The following HYCC2 variants were observed in gnomAD, a reference collection of about 807,000 sequenced individuals.
The protein encoded by HYCC2 is hyccin 2.
the HYCC2 span, among the ~76,000 whole-genome samples, chr2:201,049,740 G>C: frequency 2.0e-5 from 3 of 152,048 alleles, no homozygotes; most frequent in Non-Finnish European, 2.9e-5. Context: ...GGCATGCAAA[G>C]TATGGTTTCT....
At chr2:201,007,449 T>G in the HYCC2 span, among the ~76,000 whole-genome samples, 3 of 152,130 alleles carry the variant, frequency 2.0e-5, no homozygotes, top group African/African-American at 7.2e-5. Flanking sequence ...AAAGTAAAAA[T>G]GAGAAGGTTT....
At chr2:201,017,236 T>C in the HYCC2 span, 10 of 1,256,444 alleles carry the variant, frequency 8.0e-6, no homozygotes, top group Non-Finnish European at 1.1e-5. Context: ...TTTTTTTTTT[T>C]TTAAGGCACC....
At chr2:200,988,443 A>G in the HYCC2 span, 2 of 1,577,582 alleles carry the variant, frequency 1.3e-6, no homozygotes, top group Non-Finnish European at 1.7e-6. Flanking sequence ...ATATAAGTCT[A>G]TACAAGTTTA....
the HYCC2 span, among the ~76,000 whole-genome samples, chr2:201,033,243 C>T: frequency 9.7e-4 from 146 of 150,050 alleles, no homozygotes; most frequent in African/African-American, 3.3e-3. Context: ...GTTTCCCAGG[C>T]TGGAATGCAG....
At chr2:200,985,072 C>G in the HYCC2 span, among the ~76,000 whole-genome samples, 3 of 152,042 alleles carry the variant, frequency 2.0e-5, no homozygotes, top group East Asian at 5.8e-4. Flanking sequence ...GACTGTGCCA[C>G]TACACTCCAG....
At chr2:201,048,021 C>T in the HYCC2 span, among the ~76,000 whole-genome samples, 10 of 151,946 alleles carry the variant, frequency 6.6e-5, no homozygotes, top group South Asian at 6.2e-4. Flanking sequence ...CAATATCATC[C>T]GCTCAGTTCT....
At chr2:201,034,513 A>T in the HYCC2 span, among the ~76,000 whole-genome samples, 1 of 152,004 alleles carries the variant, frequency 6.6e-6, no homozygotes, top group Non-Finnish European at 1.5e-5. Flanking sequence ...TGCACATGAG[A>T]TGGGTCTCCT....
chr2:201,061,084 GGAACATT>G, the HYCC2 span, among the ~76,000 whole-genome samples: 1 of 150,654 alleles, frequency 6.6e-6, no homozygotes, highest in African/African-American at 2.5e-5. Flanking sequence ...AAAAAAAAAA[GGAACATT>G]TTAATGGAAG....
At chr2:200,980,767 A>T in the HYCC2 span, 10 of 157,514 alleles carry the variant, frequency 6.3e-5, no homozygotes, top group Admixed American at 6.0e-4. Context: ...GATTGCACAG[A>T]CTCAGAGAAG....
chr2:201,041,722 A>G, the HYCC2 span, among the ~76,000 whole-genome samples: 12 of 152,106 alleles, frequency 7.9e-5, no homozygotes, highest in African/African-American at 2.9e-4. Flanking sequence ...ATTGCTCACT[A>G]CTATGCATTC....
At chr2:201,056,552 T>A in the HYCC2 span, among the ~76,000 whole-genome samples, 5 of 151,680 alleles carry the variant, frequency 3.3e-5, no homozygotes, top group Admixed American at 2.6e-4. Context: ...TGCATGCCTA[T>A]AATCCCAGCT....
chr2:201,040,749 C>T, the HYCC2 span, among the ~76,000 whole-genome samples: 9 of 152,118 alleles, frequency 5.9e-5, no homozygotes, highest in African/African-American at 1.7e-4. Context: ...CCTCCCAAAA[C>T]GCTGTGATTA....
the HYCC2 span, chr2:201,024,052 A>G: frequency 2.7e-6 from 4 of 1,496,840 alleles, no homozygotes; most frequent in South Asian, 1.1e-5. Context: ...AAAAGAAAAA[A>G]GTATTGAAGC....
the HYCC2 span, among the ~76,000 whole-genome samples, chr2:201,029,152 G>A: frequency 6.6e-6 from 1 of 152,174 alleles, no homozygotes; most frequent in East Asian, 1.9e-4. Flanking sequence ...CAAAGCATAT[G>A]AACAGACACT....
the HYCC2 span, among the ~76,000 whole-genome samples, chr2:201,068,963 T>C: frequency 2.0e-5 from 3 of 152,028 alleles, no homozygotes; most frequent in African/African-American, 4.8e-5. Context: ...GACAAAAAAA[T>C]CTTCTGTTCT....
the HYCC2 span, among the ~76,000 whole-genome samples, chr2:201,023,385 A>G: frequency 1.3e-5 from 2 of 152,096 alleles, no homozygotes; most frequent in Non-Finnish European, 2.9e-5. Flanking sequence ...CAGAGTTCAA[A>G]CAAATTAAGT....
At chr2:201,063,535 C>T in the HYCC2 span, 2 of 1,589,472 alleles carry the variant, frequency 1.3e-6, no homozygotes, top group Non-Finnish European at 1.7e-6. Flanking sequence ...GGGGCTTTGC[C>T]TTTGTAACCT....
the HYCC2 span, among the ~76,000 whole-genome samples, chr2:201,018,213 T>C: frequency 1.3e-5 from 2 of 152,192 alleles, no homozygotes; most frequent in Admixed American, 6.5e-5. Context: ...TTTCCCACTT[T>C]TCCCTAAATA....
chr2:201,000,285 C>G, the HYCC2 span, among the ~76,000 whole-genome samples: 2 of 149,096 alleles, frequency 1.3e-5, no homozygotes, highest in South Asian at 2.1e-4. Context: ...AGTACTTGAG[C>G]TCAGGAGGAG....
Sources: allele counts gnomAD v4.1 joint callset (sites outside exome capture counted in the v4.1 genomes callset), GRCh38; gene constraint gnomAD v4.1.1; transcripts MANE v1.5; gene names NCBI Gene and HGNC (gene_info 2026-07-23, HGNC 2026-07-21).